ITIH4: variants seen among roughly 807,000 people sequenced by gnomAD.
ITIH4 encodes the protein inter-alpha-trypsin inhibitor heavy chain H4.
ITIH4 carries 79 observed loss-of-function variants against 111.8 expected under a neutral mutation model. The observed-to-expected ratio is 0.71, with a 90% CI of 0.59 to 0.85. ITIH4 has a LOEUF of 0.85. ITIH4 is among the 40% of genes least tolerant of loss of function. The pLI is 0.00. For synonymous variants in ITIH4, 472 were observed against 468.3 expected, an observed-to-expected ratio of 1.01 and a Z score of -0.10; for missense variants, 1,065 against 1,195.8, an observed-to-expected ratio of 0.89 and a Z score of 1.61.
intron 20 of ITIH4, among the ~76,000 whole-genome samples, 180 bp downstream of exon 20, chr3:52,817,872 G>A (rs1330545482): frequency 6.6e-6 from 1 of 152,260 alleles, no homozygotes; most frequent in Non-Finnish European, 1.5e-5. Flanking sequence ...GGTGCCCAGT[G>A]GAAGGTCCCC....
intron 3 of ITIH4, 69 bp downstream of exon 3, chr3:52,827,024 A>T: frequency 6.2e-7 from 1 of 1,612,056 alleles, no homozygotes; most frequent in Non-Finnish European, 8.5e-7. Context: ...TGGGAGCAGG[A>T]CTAAGGGCCA....
chr3:52,819,464 T>A lies in ITIH4; in HGVS notation c.2006A>T (p.Gln669Leu), dbSNP rs2276814. The change falls in exon 17 of 24, where the codon CAA becomes CTA. Residue 669 changes from glutamine to leucine, a missense_variant. Transcript: ENST00000266041. ...ATCAGGAGGTCCTGGGAGTCCAAGT[T>A]GCCTGGAGCTGAGAACCCCAGGTCT... ...NFRPGVLSSR[Q>L]LGLPGPPDVP... 51,559 of 1,614,048 alleles carry A rather than the reference T, an allele frequency of 0.032. 7,522 individuals carry two copies. The African/African-American group carries it at 0.36, about 11-fold the overall frequency.
chr3:52,829,075 C>A, intron 2 of ITIH4, 44 bp downstream of exon 2: 1 of 1,529,498 alleles, frequency 6.5e-7, no homozygotes, highest in Non-Finnish European at 8.9e-7. Context: ...GGAGTCATAG[C>A]ACTGGGGGGT....
chr3:52,814,726 G>C (rs892625084), intron 21 of ITIH4, among the ~76,000 whole-genome samples: 1 of 152,044 alleles, frequency 6.6e-6, no homozygotes, highest in Admixed American at 6.6e-5. Flanking sequence ...AGCTGGTACT[G>C]CAGGTACATG....
At chr3:52,829,352 T>G in intron 1 of ITIH4, 73 bp from the exon 2 acceptor site, 2 of 1,498,698 alleles carry the variant, frequency 1.3e-6, no homozygotes, top group South Asian at 2.5e-5. Flanking sequence ...TCTTCAAGAG[T>G]TGGCCCTGAC....
intron 21 of ITIH4, among the ~76,000 whole-genome samples, chr3:52,815,232 TTTTTTTC>T (rs1700260460): frequency 1.3e-5 from 2 of 149,606 alleles, no homozygotes; most frequent in South Asian, 2.1e-4. Context: ...AATATGTGGG[TTTTTTTC>T]TTTTTTCTTT....
At chr3:52,820,879 C>A (rs1700368596) in intron 12 of ITIH4, 94 bp from the exon 13 acceptor site, 2 of 1,549,802 alleles carry the variant, frequency 1.3e-6, no homozygotes, top group Non-Finnish European at 1.7e-6. Flanking sequence ...CTGGGAGAAT[C>A]TGGAGCTTGG....
Position 52,819,797 on chromosome 3 carries a change from G to A in ITIH4, c.1913-5C>T, listed in dbSNP as rs200076840. On this transcript the variant is annotated splice_polypyrimidine_tract_variant and splice_region_variant and intron_variant, in intron 15 of 23. Transcript: ENST00000266041. ...TTCTTGGAGAAAAGGAAGCCTCTGTGTGGTCAAGTCCTGATCAGATACAAC... is the reference window on the plus strand; with the variant it reads ...TTCTTGGAGAAAAGGAAGCCTCTGTATGGTCAAGTCCTGATCAGATACAAC... 3.1e-6 allele frequency: 5 copies of A among 1,614,054 alleles called. No homozygotes were observed. Among genetic ancestry groups the A allele is most frequent in the Non-Finnish European group, 3.4e-6 (4 of 1,179,982 alleles).
rs199769677 is a variant in ITIH4 at position 52,824,175 on chromosome 3, G to C, written c.1171+15C>G. 6.2e-7 allele frequency: 1 copy of C among 1,612,380 alleles called. No individual in the cohort carries two copies. Among genetic ancestry groups the C allele is most frequent in the Admixed American group, 1.7e-5 (1 of 60,000 alleles). ...CCTGTGCAGCACGTCCTGGAGTCAC[G>C]GGCAGGGCCCTCACCCACAGTGGGG... On this transcript the variant is annotated intron_variant, in intron 9 of 23. Coordinates refer to ENST00000266041, the MANE Select transcript of ITIH4 (RefSeq NM_002218.5). The surrounding 1 kb of genome is among the most constrained non-coding windows in gnomAD (Gnocchi z 4.3).
rs1251631764 is a variant in ITIH4, at chr3:52,826,835, G to A, written c.475C>T (p.Leu159=). 1 of 1,613,892 alleles carries A rather than the reference G, an allele frequency of 6.2e-7. No homozygotes were observed. The highest frequency in any genetic ancestry group is 1.1e-5 in the South Asian group (1 of 91,068). The change falls in exon 4 of 24, where the codon CTG becomes TTG. Residue 159 remains leucine, a synonymous_variant. Coordinates refer to ENST00000266041, the MANE Select transcript of ITIH4 (RefSeq NM_002218.5). ...TGCTGGGGCCGCACTTTCAGCAGCA[G>A]CTCGTACACCCCCAAACGCCGCTTG... ...LLKRRLGVYE[L]LLKVRPQQLV... is the part of the protein sequence containing the mutation.
rs143002894 is a variant in ITIH4, at chr3:52,823,583, C to T, written c.1512G>A (p.Val504=). 138 of 1,611,798 alleles carry T rather than the reference C, an allele frequency of 8.6e-5. No homozygotes were observed. The highest frequency in any genetic ancestry group is 3.6e-4 in the Middle Eastern group (2 of 5,618). The change falls in exon 11 of 24, where the codon GTG becomes GTA. Residue 504 remains valine, a synonymous_variant. Transcript: ENST00000266041. ...AGKLQDRGPD[V]LTATVSGKLP... is the part of the protein sequence containing the mutation. ...GCTTCCCACTGACTGTGGCTGTGAG[C>T]ACATCAGGCCCCCGGTCCTGGAGCT...
intron 6 of ITIH4, 142 bp from the exon 7 acceptor site, chr3:52,825,100 G>T: frequency 1.9e-6 from 1 of 536,804 alleles, no homozygotes; most frequent in Non-Finnish European, 3.2e-6. Context: ...CCAAAACCTT[G>T]CCCTTTTTCA....
rs898935945 is a variant in ITIH4 at position 52,830,661 on chromosome 3, CAGG to C, written c.-22_-20del. The C allele has an allele frequency of 6.3e-7, 1 of 1,588,000 alleles. No homozygotes were observed. Among genetic ancestry groups the C allele is most frequent in the South Asian group, 1.1e-5 (1 of 87,564 alleles). On this transcript the variant is annotated 5_prime_UTR_variant, in exon 1 of 24. Transcript: ENST00000266041. ...GCTTCATCGTGGCTCCAGTGTCTGC[CAGG>C]AGGCTTCTGAACTCGACAGCAAGTG...
rs1700432275 is a variant in ITIH4, at chr3:52,823,671, T to C, written c.1424A>G (p.Glu475Gly). The C allele has an allele frequency of 4.3e-6, 7 of 1,614,170 alleles. No individual in the cohort carries two copies. The highest frequency in any genetic ancestry group is 5.9e-6 in the Non-Finnish European group (7 of 1,180,030). Residue 475 changes from glutamate to glycine, a missense_variant, in exon 11 of 24, where the codon GAG becomes GGG. Glu to Gly is a moderately conservative substitution (Grantham distance 98, BLOSUM62 -2). Coordinates refer to ENST00000266041, the MANE Select transcript of ITIH4 (RefSeq NM_002218.5). ...CCGGAAGTTGTTCTGAGTGACCTCCTCCACGGCATTGCTTGGGTACTCGAA... is the reference window on the plus strand; with the variant it reads ...CCGGAAGTTGTTCTGAGTGACCTCCCCCACGGCATTGCTTGGGTACTCGAA... ...VTFEYPSNAV[E>G]EVTQNNFRLL...
At position 52,825,919 on chromosome 3, in the gene ITIH4, A is replaced by G. The variant is rs773462615; in HGVS notation, c.726T>C (p.Asp242=). The G allele has an allele frequency of 1.2e-6, 2 of 1,614,104 alleles. No individual in the cohort carries two copies. Among genetic ancestry groups the G allele is most frequent in the African/African-American group, 1.3e-5 (1 of 75,040 alleles). The change falls in exon 6 of 24, where the codon GAT becomes GAC. Residue 242 remains aspartate, a synonymous_variant. Coordinates refer to ENST00000266041, the MANE Select transcript of ITIH4 (RefSeq NM_002218.5). ...AGCCCCCGGAGATGGCCCGGTCCACATCATAGCGGATAATGAGGTTGCCGT... is the reference window on the plus strand; with the variant it reads ...AGCCCCCGGAGATGGCCCGGTCCACGTCATAGCGGATAATGAGGTTGCCGT... ...VLDGNLIIRY[D]VDRAISGGSI...
Position 52,813,532 on chromosome 3 carries a change from T to C in ITIH4, c.2724-42A>G, listed in dbSNP as rs770421182. 5.7e-6 allele frequency: 9 copies of C among 1,569,306 alleles called. No homozygotes were observed. The South Asian group carries it at 1.0e-4, about 17-fold the overall frequency. On this transcript the variant is annotated intron_variant, in intron 23 of 23. Coordinates refer to ENST00000266041, the MANE Select transcript of ITIH4 (RefSeq NM_002218.5). ...GACAGATAGGCAGGTGGTCAGCAAA[T>C]CTCAGGTGTGGTGCGAAAAGAGGGA...
At chr3:52,815,688 CTT>C (rs869262086) in intron 21 of ITIH4, among the ~76,000 whole-genome samples, 1 of 145,018 alleles carries the variant, frequency 6.9e-6, no homozygotes. Context: ...AATTTTAGAT[CTT>C]TTTTTTTTTT....
chr3:52,821,227 G>C (rs767639083), intron 11 of ITIH4, 97 bp from the exon 12 acceptor site: 2 of 1,436,406 alleles, frequency 1.4e-6, no homozygotes, highest in Admixed American at 3.7e-5. Flanking sequence ...GGCTGGGGCA[G>C]GTCCCACACA....
chr3:52,820,095 G>A, intron 14 of ITIH4, 105 bp from the exon 15 acceptor site: 1 of 1,342,988 alleles, frequency 7.4e-7, no homozygotes, highest in Non-Finnish European at 1.1e-6. Context: ...CTGAGGCACA[G>A]CCAATATTTG....
Sources: allele counts gnomAD v4.1 joint callset (sites outside exome capture counted in the v4.1 genomes callset), GRCh38; gene constraint gnomAD v4.1.1; non-coding constraint Gnocchi (gnomAD v3.1); transcripts MANE v1.5; gene names NCBI Gene and HGNC (gene_info 2026-07-23, HGNC 2026-07-21).